LIMCH1: variants seen among roughly 807,000 people sequenced by gnomAD.
LIMCH1 encodes the protein LIM and calponin homology domains 1.
Under a neutral mutation model 176.5 loss-of-function variants are expected in LIMCH1, and 113 were observed. That is an observed-to-expected ratio of 0.64 (90% CI 0.55 to 0.75). The LOEUF (loss-of-function observed/expected upper bound fraction) is 0.75, where lower values mean the gene tolerates loss of function less well. Ranked by LOEUF, LIMCH1 falls within the 30% of genes least tolerant of loss-of-function variation. The probability of loss-of-function intolerance (pLI) is 0.00; values close to 1 mark genes in which losing one functional copy is unlikely to be tolerated. For synonymous variants in LIMCH1, 619 were observed against 645.9 expected (o/e 0.96, Z 0.63); for missense variants, 1,674 against 1,814.9 (o/e 0.92, Z 1.41).
Position 41,664,435 on chromosome 4 carries a change from T to C in LIMCH1, c.3291+1451T>C, listed in dbSNP as rs139572555. On this transcript the variant is annotated intron_variant, in intron 20 of 31. Coordinates refer to ENST00000503057, the MANE Select transcript of LIMCH1 (RefSeq NM_001330672.2). ...GCCTCTAAAATGCCTGTTGCCTTGATGCGTTTTCAATATTTCAGACCCTAG... is the reference window on the plus strand; with the variant it reads ...GCCTCTAAAATGCCTGTTGCCTTGACGCGTTTTCAATATTTCAGACCCTAG... Among the ~76,000 whole-genome samples, 659 of 152,296 alleles carry C rather than the reference T, an allele frequency of 4.3e-3. 2 individuals are homozygous for C. Among genetic ancestry groups the C allele is most frequent in the Non-Finnish European group, 5.8e-3 (392 of 68,020 alleles).
chr4:41,672,632 A>T (rs971882510), intron 22 of LIMCH1, among the ~76,000 whole-genome samples: 1 of 152,216 alleles, frequency 6.6e-6, no homozygotes, highest in African/African-American at 2.4e-5. Flanking sequence ...ATAAGAAAAC[A>T]TTTGTTAATT....
chr4:41,385,509 A>C (rs1395480279), intron 1 of LIMCH1, among the ~76,000 whole-genome samples: 1 of 152,198 alleles, frequency 6.6e-6, no homozygotes, highest in Non-Finnish European at 1.5e-5. Flanking sequence ...AGGGATATCA[A>C]ACTTATCCTA....
At chr4:41,391,591 GCTTCTGAAGAGCA>G (rs1304226074) in intron 1 of LIMCH1, among the ~76,000 whole-genome samples, 1 of 152,116 alleles carries the variant, frequency 6.6e-6, no homozygotes, top group Non-Finnish European at 1.5e-5. Flanking sequence ...AAGTCATGGT[GCTTCTGAAGAGCA>G]CTTCATCTCT....
rs916076895 is a variant in LIMCH1, at chr4:41,629,688, G to A, written c.1225G>A (p.Ala409Thr). 8.5e-6 allele frequency: 13 copies of A among 1,535,962 alleles called. No individual in the cohort carries two copies. The highest frequency in any genetic ancestry group is 1.1e-5 in the Non-Finnish European group (13 of 1,146,898). Residue 409 changes from alanine (A) to threonine (T), a missense_variant, in exon 9 of 32, where the codon GCT becomes ACT. Physicochemically the swap from Ala to Thr is moderately conservative, Grantham distance 58 (BLOSUM62 0). This residue lies in a region of LIMCH1 where 655 missense variants were observed against 692.2 expected (regional missense o/e 0.95). Transcript: ENST00000503057. ...CATTACGCTCTCCAACATAACAGAA[G>A]CTGACTTGGAGACGTGGGAGAGACT... The part of the protein sequence containing the change: ...SFITLSNITE[A>T]DLETWERLKV...
At chr4:41,522,103 A>C (rs924384419) in intron 2 of LIMCH1, among the ~76,000 whole-genome samples, 1 of 152,162 alleles carries the variant, frequency 6.6e-6, no homozygotes, top group Non-Finnish European at 1.5e-5. Flanking sequence ...TTAACAACAA[A>C]GCTCAGATCT....
Position 41,629,530 on chromosome 4 carries a change from C to G in LIMCH1, c.1067C>G (p.Thr356Ser). 6.5e-7 allele frequency: 1 copy of G among 1,536,032 alleles called. No individual in the cohort carries two copies. Among genetic ancestry groups the G allele is most frequent in the East Asian group, 2.4e-5 (1 of 40,914 alleles). Residue 356 changes from threonine (T) to serine (S), a missense_variant, in exon 9 of 32, where the codon ACC (threonine) becomes AGC (serine). By Grantham distance (58) the Thr-to-Ser change is moderately conservative. Around this residue, in one of 3 missense-constraint regions of LIMCH1, gnomAD observed 655 missense variants for 692.2 expected, o/e 0.95. Coordinates refer to ENST00000503057, the MANE Select transcript of LIMCH1 (RefSeq NM_001330672.2). The stretch of plus-strand genomic sequence containing the variant: ...ACAGAAGAGGTGAAGTTGATAGTGA[C>G]CTGTAACATGAGGGCTCAGGAAAGT... ...GHTEEVKLIVTCNMRAQESEP... is the reference protein window; with the variant it reads ...GHTEEVKLIVSCNMRAQESEP...
At chr4:41,374,456 C>T (rs1413198408) in intron 1 of LIMCH1, among the ~76,000 whole-genome samples, 1 of 152,062 alleles carries the variant, frequency 6.6e-6, no homozygotes, top group Non-Finnish European at 1.5e-5. Flanking sequence ...CATGATAGGC[C>T]ACTCATTTTT....
intron 1 of LIMCH1, among the ~76,000 whole-genome samples, chr4:41,479,326 C>T (rs943237524): frequency 6.6e-6 from 1 of 152,186 alleles, no homozygotes; most frequent in African/African-American, 2.4e-5. Context: ...GATCACAGCT[C>T]ACTGCAGCCT....
At chr4:41,375,754 T>G (rs2054666765) in intron 1 of LIMCH1, among the ~76,000 whole-genome samples, 1 of 152,228 alleles carries the variant, frequency 6.6e-6, no homozygotes, top group South Asian at 2.1e-4. Context: ...CTGTGCTGAG[T>G]GACCCAGATT....
At chr4:41,581,825 A>C (rs937744028) in intron 1 of LIMCH1, among the ~76,000 whole-genome samples, 3 of 150,740 alleles carry the variant, frequency 2.0e-5, no homozygotes, top group Admixed American at 2.0e-4. Context: ...AAAAAAAAAA[A>C]AAAAACAACA....
intron 1 of LIMCH1, among the ~76,000 whole-genome samples, chr4:41,595,070 G>C (rs373085347): frequency 6.6e-6 from 1 of 152,210 alleles, no homozygotes; most frequent in Non-Finnish European, 1.5e-5. Flanking sequence ...GCCTCATGGG[G>C]TAAAGGGTTT....
chr4:41,419,681 C>CTTCCTCCCTCCT (rs1390681848), intron 1 of LIMCH1, among the ~76,000 whole-genome samples: 1 of 56,294 alleles, frequency 1.8e-5, no homozygotes, highest in Non-Finnish European at 3.0e-5. Context: ...TCCTTCCTTC[C>CTTCCTCCCTCCT]TCCTTCCTTC....
At chr4:41,587,526 C>T (rs142683590) in intron 1 of LIMCH1, among the ~76,000 whole-genome samples, 121 of 152,310 alleles carry the variant, frequency 7.9e-4, no homozygotes, top group African/African-American at 2.7e-3. Flanking sequence ...AATAAGCCAA[C>T]ATGCAGGGTG....
chr4:41,466,902 T>C (rs2066198228), intron 1 of LIMCH1, among the ~76,000 whole-genome samples: 1 of 152,140 alleles, frequency 6.6e-6, no homozygotes, highest in Non-Finnish European at 1.5e-5. Context: ...ACCGAAACTC[T>C]GTACCCATTA....
chr4:41,445,493 G>T (rs4560447), intron 1 of LIMCH1, among the ~76,000 whole-genome samples: 18,909 of 152,174 alleles, frequency 0.12, 3,524 homozygotes, highest in African/African-American at 0.4. Flanking sequence ...AGGATCATAG[G>T]CACCTGTGGA....
intron 31 of LIMCH1, among the ~76,000 whole-genome samples, chr4:41,695,692 T>G (rs995102461): frequency 6.6e-6 from 1 of 152,178 alleles, no homozygotes; most frequent in Non-Finnish European, 1.5e-5. Context: ...ATGTTCATTT[T>G]TCCAGATAAC....
At chr4:41,408,105 G>T (rs1458035648) in intron 1 of LIMCH1, among the ~76,000 whole-genome samples, 1 of 152,148 alleles carries the variant, frequency 6.6e-6, no homozygotes, top group Non-Finnish European at 1.5e-5. Context: ...GAATGAATGA[G>T]GAATGAGTAT....
chr4:41,382,369 T>A (rs1442410574), intron 1 of LIMCH1, among the ~76,000 whole-genome samples: 1 of 122,822 alleles, frequency 8.1e-6, no homozygotes, highest in Non-Finnish European at 1.7e-5. Context: ...TGGTATGAAC[T>A]GGGGACACGG....
chr4:41,617,419 G>T (rs1404309317), intron 5 of LIMCH1, among the ~76,000 whole-genome samples: 1 of 152,112 alleles, frequency 6.6e-6, no homozygotes, highest in Non-Finnish European at 1.5e-5. Context: ...TATAAAATGG[G>T]ATAGTATCAA....
Sources: gnomAD v4.1 joint callset for allele counts (sites outside exome capture counted in the v4.1 genomes callset) on GRCh38, gnomAD v4.1.1 for gene constraint, gnomAD v4.1.1 regional missense constraint, MANE v1.5 for transcripts, NCBI Gene and HGNC (gene_info 2026-07-23, HGNC 2026-07-21) for gene names.